TBC1D13: variants seen among roughly 807,000 people sequenced by gnomAD.
TBC1D13 encodes the protein TBC1 domain family member 13.
TBC1D13 carries 40 observed loss-of-function variants against 53.6 expected under a neutral mutation model. The ratio of observed to expected loss-of-function variants is 0.75; its 90% CI spans 0.58 to 0.97. TBC1D13 has a LOEUF of 0.97. Ranked by LOEUF, TBC1D13 falls within the 50% of genes least tolerant of loss-of-function variation. The pLI, the probability that TBC1D13 is intolerant of heterozygous loss-of-function variation, is 0.00. For synonymous variants in TBC1D13, 182 were observed against 197.7 expected (o/e 0.92, Z 0.67); for missense variants, 377 against 499.4 (o/e 0.75, Z 2.34).
At chr9:128,793,030 G>A (rs1174938586) in intron 6 of TBC1D13, among the ~76,000 whole-genome samples, 1 of 152,184 alleles carries the variant, frequency 6.6e-6, no homozygotes, top group Non-Finnish European at 1.5e-5. Flanking sequence ...ATTTGAGGGG[G>A]TTTGGGGAAA....
Position 128,791,383 on chromosome 9 carries a change from C to A in TBC1D13, c.142C>A (p.Leu48Ile). The change falls in exon 4 of 12, where the codon CTC (leucine) becomes ATC (isoleucine). Residue 48 changes from leucine (L) to isoleucine (I), a missense_variant. Leu to Ile is a conservative substitution (Grantham distance 5). Transcript: ENST00000372648. ...GGLRCLCWKI[L>I]LNYLPLERAS... ...TTGCCCTTCTCCCTCTGTGCAGATT[C>A]TCTTGAACTACCTTCCCTTGGAGAG... 6.2e-7 allele frequency: 1 copy of A among 1,614,184 alleles called. No individual in the cohort carries two copies. Among genetic ancestry groups the A allele is most frequent in the South Asian group, 1.1e-5 (1 of 91,086 alleles).
At chr9:128,800,230 C>T (rs766790184) in intron 7 of TBC1D13, among the ~76,000 whole-genome samples, 2 of 152,194 alleles carry the variant, frequency 1.3e-5, no homozygotes, top group African/African-American at 2.4e-5. Context: ...GAGCTTCCGC[C>T]TGAGCAGGCC....
At chr9:128,807,188 G>A (rs1829851889) in intron 11 of TBC1D13, among the ~76,000 whole-genome samples, 1 of 150,370 alleles carries the variant, frequency 6.7e-6, no homozygotes, top group Non-Finnish European at 1.5e-5. Context: ...CCAGGTTCAA[G>A]TGATTCTCCT....
chr9:128,806,230 C>CGCTTTTGCTGCT, intron 10 of TBC1D13, 24 bp from the exon 11 acceptor site: 3 of 1,614,074 alleles, frequency 1.9e-6, no homozygotes, highest in Non-Finnish European at 2.5e-6. Flanking sequence ...CAGGTCCCAG[C>CGCTTTTGCTGCT]GCTTTTGCTG....
chr9:128,803,815 G>T (rs943606444), intron 8 of TBC1D13, 141 bp from the exon 9 acceptor site: 2 of 1,091,082 alleles, frequency 1.8e-6, no homozygotes, highest in African/African-American at 3.1e-5. Flanking sequence ...GTGGAGAGGG[G>T]TCAAGGACAG....
chr9:128,787,418 C>T, intron 1 of TBC1D13, 42 bp downstream of exon 1: 1 of 1,250,488 alleles, frequency 8.0e-7, no homozygotes, highest in Non-Finnish European at 1.0e-6. Flanking sequence ...CCACTCCTGG[C>T]CAGGCTGCCC....
At chr9:128,787,692 C>G (rs1829454303) in intron 1 of TBC1D13, among the ~76,000 whole-genome samples, 1 of 148,250 alleles carries the variant, frequency 6.7e-6, no homozygotes, top group African/African-American at 2.5e-5. Flanking sequence ...CCCCTGCTCC[C>G]GTACTCTCTC....
chr9:128,792,470 G>A (rs1220187042), intron 5 of TBC1D13, 22 bp from the exon 6 acceptor site: 1 of 1,612,616 alleles, frequency 6.2e-7, no homozygotes, highest in African/African-American at 1.3e-5. Flanking sequence ...CTTGGACAGA[G>A]CATCTTCATT....
chr9:128,791,811 T>C (rs1013205539), intron 5 of TBC1D13, 118 bp downstream of exon 5: 4 of 811,234 alleles, frequency 4.9e-6, no homozygotes, highest in East Asian at 2.6e-5. Context: ...CAGTCCCCTC[T>C]GGACCTCCCA....
At chr9:128,800,480 C>T (rs7855022) in intron 7 of TBC1D13, among the ~76,000 whole-genome samples, 8,187 of 146,068 alleles carry the variant, frequency 0.056, 751 homozygotes, top group African/African-American at 0.2. Flanking sequence ...AAGCAATTCT[C>T]GTGCCTTAGC....
In TBC1D13 at chr9:128,803,558, TGAG is replaced by T. The variant is rs369561932; in HGVS notation, c.754+102_754+104del. The T allele has an allele frequency of 1.2e-3, 1,349 of 1,170,280 alleles. 6 individuals are homozygous for T. The African/African-American group carries it at 0.017, about 14-fold the overall frequency. 72.5% of individuals were successfully genotyped at this position (1,170,280 alleles called of 1,614,324 possible). A position where few individuals can be genotyped will look rare whatever the true frequency, so the allele number is the denominator to read the frequency against. ...GGGCCTCTGTTCTCCCTCTGCCAGA[TGAG>T]GAGTTGGCCTGGATCATCTCTGAGA... On this transcript the variant is annotated intron_variant, in intron 8 of 11. Transcript: ENST00000372648.
intron 2 of TBC1D13, among the ~76,000 whole-genome samples, chr9:128,789,012 C>T (rs1336242182): frequency 6.6e-6 from 1 of 151,952 alleles, no homozygotes; most frequent in Non-Finnish European, 1.5e-5. Context: ...ACTTTTTTGC[C>T]CTTGTAACTT....
chr9:128,798,815 G>A (rs1197561850), intron 7 of TBC1D13, among the ~76,000 whole-genome samples: 1 of 152,158 alleles, frequency 6.6e-6, no homozygotes, highest in Non-Finnish European at 1.5e-5. Context: ...AACAAGCTAG[G>A]GCAGATACTG....
In TBC1D13 at chr9:128,794,567, C is replaced by T. The variant is rs756839681; in HGVS notation, c.383+1993C>T. On this transcript the variant is annotated intron_variant, in intron 6 of 11. Coordinates refer to ENST00000372648, the MANE Select transcript of TBC1D13 (RefSeq NM_018201.5). ...CTCGGCTCACTGCAACATCCGCTTC[C>T]CGGGTTCAAGCGATTCTCCTGCCTC... Among the ~76,000 whole-genome samples the T allele has an allele frequency of 1.5e-3, 234 of 151,780 alleles. 5 individuals are homozygous for T. Among genetic ancestry groups the T allele is most frequent in the Non-Finnish European group, 2.2e-3 (152 of 67,844 alleles).
chr9:128,806,231 G>A (rs769209275), intron 10 of TBC1D13, 23 bp from the exon 11 acceptor site: 6 of 1,613,952 alleles, frequency 3.7e-6, no homozygotes, highest in African/African-American at 1.3e-5. Flanking sequence ...AGGTCCCAGC[G>A]CTTTTGCTGC....
rs1047859742 is a variant in TBC1D13 at position 128,801,969 on chromosome 9, G to C, written c.544-1281G>C. On this transcript the variant is annotated intron_variant, in intron 7 of 11. Coordinates refer to ENST00000372648, the MANE Select transcript of TBC1D13 (RefSeq NM_018201.5). The stretch of plus-strand genomic sequence containing the variant: ...GTAGAGACAGGGTTTCACCGTGTTA[G>C]CTAGGATGGTCTTGGTCTCCTGACC... 1.4e-4 allele frequency among the ~76,000 whole-genome samples: 21 copies of C among 148,892 alleles called. 1 individual carries two copies. Among genetic ancestry groups the C allele is most frequent in the Non-Finnish European group, 7.5e-5 (5 of 67,090 alleles).
chr9:128,807,242 AC>A (rs1286020164), intron 11 of TBC1D13, among the ~76,000 whole-genome samples: 1 of 151,778 alleles, frequency 6.6e-6, no homozygotes, highest in Non-Finnish European at 1.5e-5. Flanking sequence ...GTGTGCCACC[AC>A]GTCTGGCTAA....
Position 128,808,079 on chromosome 9 carries a change from T to C in TBC1D13, c.*200T>C, listed in dbSNP as rs984909220. 4.0e-5 allele frequency: 23 copies of C among 581,974 alleles called. No homozygotes were observed. Among genetic ancestry groups the C allele is most frequent in the Non-Finnish European group, 6.8e-5 (22 of 322,458 alleles). The allele number at this position is 581,974 out of a possible 1,614,324, so 36.1% of individuals were successfully genotyped here. ...CCAGCTCCCCACCTGCCCTGCACTC[T>C]GCCCTCTTTGCCCAGGATACTGAGG... On this transcript the variant is annotated 3_prime_UTR_variant, in exon 12 of 12. Transcript: ENST00000372648.
intron 7 of TBC1D13, among the ~76,000 whole-genome samples, 199 bp downstream of exon 7, chr9:128,797,413 G>A (rs1243010026): frequency 6.6e-6 from 1 of 152,162 alleles, no homozygotes; most frequent in Non-Finnish European, 1.5e-5. Context: ...TGGGTGTAAT[G>A]GCTGCTGGGA....
Sources: allele counts gnomAD v4.1 joint callset (sites outside exome capture counted in the v4.1 genomes callset), GRCh38; gene constraint gnomAD v4.1.1; transcripts MANE v1.5; gene names NCBI Gene and HGNC (gene_info 2026-07-23, HGNC 2026-07-21).